Variants in ACSM1 observed in about 807,000 individuals in gnomAD.
ACSM1 encodes the protein acyl-CoA synthetase medium chain family member 1, also known as acyl-coenzyme A synthetase ACSM1, mitochondrial.
A neutral mutation model predicts 75.8 loss-of-function variants in ACSM1; 79 were observed. That is an observed-to-expected ratio of 1.04 (90% CI 0.87 to 1.26). ACSM1 has a LOEUF of 1.26. ACSM1 is among the 50% of genes most tolerant of loss of function. The pLI, the probability that ACSM1 is intolerant of heterozygous loss-of-function variation, is 0.00. For synonymous variants in ACSM1, 279 were observed against 265.8 expected (o/e 1.05, Z -0.48); for missense variants, 676 against 720.1 (o/e 0.94, Z 0.70).
intron 12 of ACSM1, 68 bp downstream of exon 12, chr16:20,625,355 G>A: frequency 6.7e-7 from 1 of 1,489,258 alleles, no homozygotes; most frequent in Non-Finnish European, 9.3e-7. Context: ...GTAAAGCCTG[G>A]ATGTTTCCCC....
At position 20,691,012 on chromosome 16, in the gene ACSM1, C is replaced by T. The variant is rs1182399414; in HGVS notation, c.177G>A (p.Trp59Ter). 1 of 1,609,840 alleles carries T rather than the reference C, an allele frequency of 6.2e-7. No individual in the cohort carries two copies. The highest frequency in any genetic ancestry group is 8.5e-7 in the Non-Finnish European group (1 of 1,178,394). The change falls in exon 2 of 14, where the codon TGG (tryptophan) becomes TGA (stop). Residue 59 changes from tryptophan (W) to a stop codon, truncating the protein, a stop_gained. Coordinates refer to ENST00000520010, the MANE Select transcript of ACSM1 (RefSeq NM_001318890.3). LOFTEE classifies it high-confidence loss of function. ...FNFASYVLDY[W>*]AQKEKEGKRG... ...GATCTCTTACCTTCTCCTTTTGAGC[C>T]CAGTAGTCCAGTACATAACTTGCAA...
chr16:20,674,077 T>G, intron 4 of ACSM1: 1 of 448,756 alleles, frequency 2.2e-6, no homozygotes, highest in Non-Finnish European at 4.5e-6. Context: ...TCTCACCACT[T>G]GGGAGTGAAT....
chr16:20,664,147 G>GTATT (rs71149169), intron 6 of ACSM1, among the ~76,000 whole-genome samples: 6,335 of 145,540 alleles, frequency 0.044, 472 homozygotes, highest in African/African-American at 0.15. Context: ...AAATTGAATA[G>GTATT]TATTTATTTA....
chr16:20,685,391 C>G lies in ACSM1; in HGVS notation c.205G>C (p.Gly69Arg). Residue 69 changes from glycine to arginine, a missense_variant, in exon 3 of 14, where the codon GGT becomes CGT. Transcript: ENST00000520010. ...ACCCACCAAAAAGCTGGATTTGGAC[C>G]TCTCTTGCCCTCCTGGTCAAGACCA... is the stretch of plus-strand genomic sequence containing the variant. Reference protein sequence around the residue: ...WAQKEKEGKRGPNPAFWWVNG... With the variant: ...WAQKEKEGKRRPNPAFWWVNG... 1 of 1,614,204 alleles carries G rather than the reference C, an allele frequency of 6.2e-7. No homozygotes were observed.
In ACSM1 at chr16:20,637,381, T is replaced by C. The variant is rs1437023884; in HGVS notation, c.1187A>G (p.Tyr396Cys). ...CCCTTAGGACCAGACCTGGACGTCG[T>C]AGGGTGGAGTGGCCTTCCCCATGAA... ...PGFMGKATPP[Y>C]DVQVIDDKGS... The change falls in exon 9 of 14, where the codon TAC becomes TGC. Residue 396 changes from tyrosine to cysteine, a missense_variant. Tyr to Cys is a radical substitution (Grantham distance 194, BLOSUM62 -2). Transcript: ENST00000520010. 1.2e-6 allele frequency: 2 copies of C among 1,613,914 alleles called. No homozygotes were observed. The highest frequency in any genetic ancestry group is 1.7e-6 in the Non-Finnish European group (2 of 1,179,960).
chr16:20,672,490 ATATAT>A, intron 4 of ACSM1, among the ~76,000 whole-genome samples: 2 of 127,930 alleles, frequency 1.6e-5, no homozygotes, highest in African/African-American at 6.0e-5. Flanking sequence ...ATATATATAT[ATATAT>A]AAAAAACATA....
At chr16:20,670,710 G>C (rs542647171) in intron 5 of ACSM1, among the ~76,000 whole-genome samples, 4 of 152,196 alleles carry the variant, frequency 2.6e-5, no homozygotes, top group African/African-American at 9.6e-5. Context: ...GTAGTTCTAT[G>C]AATACTACTT....
intron 4 of ACSM1, chr16:20,673,897 A>G: frequency 3.8e-6 from 1 of 263,576 alleles, no homozygotes; most frequent in Non-Finnish European, 7.8e-6. Context: ...GTATATTTTA[A>G]TGAGAGGAAC....
intron 7 of ACSM1, among the ~76,000 whole-genome samples, chr16:20,656,991 C>T (rs1401018013): frequency 6.6e-6 from 1 of 151,472 alleles, no homozygotes; most frequent in African/African-American, 2.4e-5. Flanking sequence ...CAACCACAAA[C>T]ATTTTCTGCT....
At chr16:20,640,399 C>A (rs776988889) in intron 8 of ACSM1, 62 bp downstream of exon 8, 6 of 1,598,742 alleles carry the variant, frequency 3.8e-6, no homozygotes, top group East Asian at 2.2e-5. Flanking sequence ...TTAACCTTAG[C>A]AAAATAATCT....
intron 7 of ACSM1, among the ~76,000 whole-genome samples, chr16:20,660,703 T>G (rs2152255798): frequency 6.6e-6 from 1 of 152,342 alleles, no homozygotes; most frequent in Non-Finnish European, 1.5e-5. Flanking sequence ...ATCATTAAAC[T>G]CTGATATTTT....
At position 20,624,357 on chromosome 16, in the gene ACSM1, C is replaced by T. The variant is rs2016788199; in HGVS notation, c.1528-142G>A. 6 of 1,001,852 alleles carry T rather than the reference C, an allele frequency of 6.0e-6. No individual in the cohort carries two copies. The African/African-American group carries it at 1.0e-4, about 17-fold the overall frequency. 62.1% of individuals were successfully genotyped at this position (1,001,852 alleles called of 1,614,324 possible). On this transcript the variant is annotated intron_variant, in intron 12 of 13. Coordinates refer to ENST00000520010, the MANE Select transcript of ACSM1 (RefSeq NM_001318890.3). Reference sequence around the variant, plus strand: ...AAAAGGAGAGGACCAGGTGTAAATCCCTGTGTTTCCAATTCCCACTCCATG... The same window carrying T: ...AAAAGGAGAGGACCAGGTGTAAATCTCTGTGTTTCCAATTCCCACTCCATG...
At chr16:20,674,148 T>G (rs953606950) in intron 4 of ACSM1, 3 of 434,054 alleles carry the variant, frequency 6.9e-6, no homozygotes, top group African/African-American at 6.1e-5. Flanking sequence ...AAGCAAAAAC[T>G]CAGTTGTATG....
intron 7 of ACSM1, among the ~76,000 whole-genome samples, chr16:20,654,388 A>G (rs2018828399): frequency 6.6e-6 from 1 of 152,224 alleles, no homozygotes; most frequent in Non-Finnish European, 1.5e-5. Context: ...ACAAAAACCA[A>G]AATCGACAAA....
In ACSM1 at chr16:20,670,473, A is replaced by G. The variant is rs983344055; in HGVS notation, c.753-487T>C. 7.2e-5 allele frequency among the ~76,000 whole-genome samples: 11 copies of G among 152,254 alleles called. No individual in the cohort carries two copies. The Middle Eastern group carries it at 0.01, about 141-fold the overall frequency. ...CCTAACTCTATTCTAATTTTCTCCA[A>G]TCCATCCTGCATCCTGCAGCCATGA... On this transcript the variant is annotated intron_variant, in intron 5 of 13. Transcript: ENST00000520010.
chr16:20,686,104 A>G (rs1249831156), intron 2 of ACSM1, among the ~76,000 whole-genome samples: 1 of 152,222 alleles, frequency 6.6e-6, no homozygotes, highest in Non-Finnish European at 1.5e-5. Context: ...AGTTATTTAC[A>G]TAAAGCATGT....
At position 20,627,254 on chromosome 16, in the gene ACSM1, A is replaced by T. The variant is rs1692729; in HGVS notation, c.1362T>A (p.Gly454=). 0.38 allele frequency: 598,139 copies of T among 1,588,574 alleles called. 128,153 individuals are homozygous for T. The highest frequency in any genetic ancestry group is 0.88 in the East Asian group (36,677 of 41,576). Residue 454 remains glycine, a synonymous_variant, in exon 11 of 14, where the codon GGT becomes GGA. Coordinates refer to ENST00000520010, the MANE Select transcript of ACSM1 (RefSeq NM_001318890.3). ...AAATGTAGCCCTCTTCATCCATCTT[A>T]CCTCTGTCCCCAGTGTTGTAGAAGT... ...CGDFYNTGDR[G]KMDEEGYICF...
chr16:20,649,120 A>C (rs1216211823), intron 7 of ACSM1, among the ~76,000 whole-genome samples: 1 of 152,128 alleles, frequency 6.6e-6, no homozygotes, highest in African/African-American at 2.4e-5. Flanking sequence ...GTGAACCTTT[A>C]GGGGTCCAAG....
chr16:20,666,665 GA>G (rs1314898419), intron 6 of ACSM1, among the ~76,000 whole-genome samples: 13 of 151,596 alleles, frequency 8.6e-5, no homozygotes, highest in African/African-American at 3.1e-4. Context: ...CTTGAATACT[GA>G]AAAGAACAAA....
Sources: gnomAD v4.1 joint callset for allele counts (sites outside exome capture counted in the v4.1 genomes callset) on GRCh38, gnomAD v4.1.1 for gene constraint, MANE v1.5 for transcripts, NCBI Gene and HGNC (gene_info 2026-07-23, HGNC 2026-07-21) for gene names.